The following CTNNA2 variants were observed in gnomAD, a reference collection of about 807,000 sequenced individuals.
CTNNA2 encodes catenin alpha-2.
Under a neutral mutation model 101.0 loss-of-function variants are expected in CTNNA2, and 42 were observed. The observed-to-expected ratio is 0.42, with a 90% confidence interval of 0.32 to 0.54. The LOEUF (loss-of-function observed/expected upper bound fraction) is 0.54. Ranked by LOEUF, CTNNA2 falls within the 20% of genes least tolerant of loss-of-function variation. The pLI is 0.14. For synonymous variants in CTNNA2, 450 were observed against 456.4 expected (o/e 0.99, Z 0.18); for missense variants, 871 against 1,223.1 (o/e 0.71, Z 4.29).
At chr2:79,230,842 G>A (rs564872551) in intron 2 of CTNNA2, among the ~76,000 whole-genome samples, 9 of 152,354 alleles carry the variant, frequency 5.9e-5, no homozygotes, top group African/African-American at 2.2e-4. Flanking sequence ...AAGACATGGA[G>A]TCAAATATCA....
At chr2:79,281,795 T>A (rs6734249) in intron 2 of CTNNA2, among the ~76,000 whole-genome samples, 9,633 of 152,256 alleles carry the variant, frequency 0.063, 1,031 homozygotes, top group African/African-American at 0.22. Context: ...ATTGCAGACA[T>A]ATTTGCCTTA....
At chr2:79,773,744 A>G (rs889416175) in intron 3 of CTNNA2, among the ~76,000 whole-genome samples, 2 of 152,104 alleles carry the variant, frequency 1.3e-5, no homozygotes, top group African/African-American at 4.8e-5. Context: ...GTGGAAACAA[A>G]CATAGTGAGT....
chr2:80,512,677 CT>C (rs5832456), intron 9 of CTNNA2, among the ~76,000 whole-genome samples: 123,069 of 151,484 alleles, frequency 0.81, 50,627 homozygotes, highest in African/African-American at 0.95. Context: ...TTTTTAAATT[CT>C]TTTTTTTTGT....
intron 7 of CTNNA2, among the ~76,000 whole-genome samples, chr2:80,001,120 T>G (rs1313474064): frequency 6.6e-6 from 1 of 152,228 alleles, no homozygotes; most frequent in Non-Finnish European, 1.5e-5. Context: ...CAACTTTTTT[T>G]TGTATATTTG....
intron 18 of CTNNA2, among the ~76,000 whole-genome samples, chr2:80,638,483 T>C (rs2149847268): frequency 6.6e-6 from 1 of 151,818 alleles, no homozygotes; most frequent in East Asian, 1.9e-4. Flanking sequence ...AAGGAAAGAG[T>C]AAGTATAGGA....
chr2:79,870,473 G>A (rs773949241), intron 5 of CTNNA2, among the ~76,000 whole-genome samples: 1 of 151,756 alleles, frequency 6.6e-6, no homozygotes, highest in Non-Finnish European at 1.5e-5. Context: ...GGGGAGGGGA[G>A]TGGGGAAGGG....
chr2:79,717,855 C>T (rs1420401161), intron 2 of CTNNA2, among the ~76,000 whole-genome samples: 2 of 152,098 alleles, frequency 1.3e-5, no homozygotes, highest in Non-Finnish European at 2.9e-5. Context: ...GCTTCATGGA[C>T]TTAAAAGTGG....
At chr2:80,352,305 T>G (rs748432130) in intron 7 of CTNNA2, among the ~76,000 whole-genome samples, 1 of 152,152 alleles carries the variant, frequency 6.6e-6, no homozygotes, top group Non-Finnish European at 1.5e-5. Context: ...TGAACCTACA[T>G]AGAGAGCGAC....
chr2:79,536,775 C>G (rs916978493), intron 1 of CTNNA2, among the ~76,000 whole-genome samples: 1 of 139,840 alleles, frequency 7.2e-6, no homozygotes, highest in Non-Finnish European at 1.6e-5. Context: ...TTGGCTCACT[C>G]ACTGCAACCT....
In CTNNA2 at chr2:80,228,438, C is replaced by A. The variant is rs145795381; in HGVS notation, c.1057-164773C>A. Among the ~76,000 whole-genome samples the A allele has an allele frequency of 2.9e-3, 435 of 152,274 alleles. 2 individuals are homozygous for A. Among genetic ancestry groups the A allele is most frequent in the African/African-American group, 1.0e-2 (415 of 41,552 alleles). The stretch of plus-strand genomic sequence containing the variant: ...GTCTCTGCCTTTATGACCTAATCAT[C>A]TTCCAAAAGCCTGACCTCCCAAAAC... On this transcript the variant is annotated intron_variant, in intron 7 of 18. Transcript: ENST00000402739.
At chr2:79,247,541 C>T (rs1674715059) in intron 2 of CTNNA2, among the ~76,000 whole-genome samples, 1 of 152,096 alleles carries the variant, frequency 6.6e-6, no homozygotes, top group African/African-American at 2.4e-5. Flanking sequence ...GTCTGCAATT[C>T]TAGCATAATA....
intron 7 of CTNNA2, among the ~76,000 whole-genome samples, chr2:80,129,421 A>C (rs1390489525): frequency 2.0e-5 from 3 of 152,146 alleles, no homozygotes; most frequent in African/African-American, 7.2e-5. Flanking sequence ...GCAGGGAGAG[A>C]TGAGTAAGAC....
chr2:79,918,775 T>A (rs1223115471), intron 7 of CTNNA2, among the ~76,000 whole-genome samples: 2 of 152,032 alleles, frequency 1.3e-5, no homozygotes, highest in African/African-American at 4.8e-5. Context: ...TCAAAAAATT[T>A]CCAAAGATAA....
intron 7 of CTNNA2, among the ~76,000 whole-genome samples, chr2:80,121,003 C>G (rs1701801948): frequency 6.6e-6 from 1 of 152,174 alleles, no homozygotes. Context: ...ATGAAGGCAT[C>G]TACTCTCTGG....
chr2:79,281,706 A>G (rs1675388917), intron 2 of CTNNA2, among the ~76,000 whole-genome samples: 1 of 152,218 alleles, frequency 6.6e-6, no homozygotes, highest in Non-Finnish European at 1.5e-5. Context: ...TGAAACTACC[A>G]AAGACAACAG....
At chr2:79,535,117 A>G (rs1238869826) in intron 1 of CTNNA2, among the ~76,000 whole-genome samples, 1 of 152,212 alleles carries the variant, frequency 6.6e-6, no homozygotes, top group Non-Finnish European at 1.5e-5. Context: ...CATATGATAG[A>G]CAAAATCTTA....
In CTNNA2 at chr2:80,335,608, G is replaced by A. The variant is rs77555948; in HGVS notation, c.1057-57603G>A. Among the ~76,000 whole-genome samples the A allele has an allele frequency of 2.7e-3, 418 of 152,296 alleles. 3 individuals carry two copies. Among genetic ancestry groups the A allele is most frequent in the African/African-American group, 9.5e-3 (396 of 41,554 alleles). ...CTGGGAGAGGTTATTCCTGCCTACTGTATTTCTGGCATCAGTACTTGGCAC... is the reference window on the plus strand; with the variant it reads ...CTGGGAGAGGTTATTCCTGCCTACTATATTTCTGGCATCAGTACTTGGCAC... On this transcript the variant is annotated intron_variant, in intron 7 of 18. Transcript: ENST00000402739.
chr2:79,894,059 CTTCT>C (rs1558619748), intron 6 of CTNNA2, among the ~76,000 whole-genome samples: 8,823 of 100,014 alleles, frequency 0.088, 349 homozygotes, highest in Admixed American at 0.12. Context: ...TCTTCTTCTT[CTTCT>C]TCCTCCTCCT....
chr2:80,354,817 G>C (rs779212066), intron 7 of CTNNA2, among the ~76,000 whole-genome samples: 5 of 152,116 alleles, frequency 3.3e-5, no homozygotes, highest in Non-Finnish European at 5.9e-5. Flanking sequence ...CCATACTCTG[G>C]CAGTGAGGGT....
Sources: gnomAD v4.1 joint callset for allele counts (sites outside exome capture counted in the v4.1 genomes callset) on GRCh38, gnomAD v4.1.1 for gene constraint, MANE v1.5 for transcripts, NCBI Gene and HGNC (gene_info 2026-07-23, HGNC 2026-07-21) for gene names.